Variants in DLG2 observed in about 807,000 individuals in gnomAD.
DLG2 encodes discs large MAGUK scaffold protein 2.
In DLG2, 45 loss-of-function variants were observed where a neutral mutation model predicts 132.5. The ratio of observed to expected loss-of-function variants is 0.34; its 90% CI spans 0.27 to 0.44. The LOEUF is 0.44. DLG2 is among the 20% of genes least tolerant of loss of function. The pLI is 1.00. For missense variants in DLG2, 1,045 were observed against 1,196.9 expected, an observed-to-expected ratio of 0.87 and a Z score of 1.87; for synonymous variants, 424 against 419.6, an observed-to-expected ratio of 1.01 and a Z score of -0.13.
intron 6 of DLG2, among the ~76,000 whole-genome samples, chr11:84,734,765 G>C (rs960419906): frequency 1.3e-5 from 2 of 152,112 alleles, no homozygotes; most frequent in African/African-American, 4.8e-5. Flanking sequence ...CAAGATATTG[G>C]CTGTGGGTTT....
chr11:84,474,787 T>A (rs1323276981), intron 7 of DLG2, among the ~76,000 whole-genome samples: 2 of 152,092 alleles, frequency 1.3e-5, no homozygotes, highest in African/African-American at 2.4e-5. Flanking sequence ...TAAATCATAA[T>A]CTTCTTGAAG....
At chr11:84,357,749 T>C (rs2098625429) in intron 7 of DLG2, among the ~76,000 whole-genome samples, 1 of 152,062 alleles carries the variant, frequency 6.6e-6, no homozygotes, top group East Asian at 1.9e-4. Flanking sequence ...ATAAGTATTA[T>C]TTTTCAAATT....
chr11:84,103,375 C>G (rs2092679920), intron 9 of DLG2, among the ~76,000 whole-genome samples: 1 of 152,130 alleles, frequency 6.6e-6, no homozygotes, highest in Non-Finnish European at 1.5e-5. Flanking sequence ...CTTCTCTGAG[C>G]AGCAATCTCT....
At chr11:84,466,987 G>A (rs1472363274) in intron 7 of DLG2, among the ~76,000 whole-genome samples, 1 of 151,214 alleles carries the variant, frequency 6.6e-6, no homozygotes, top group Non-Finnish European at 1.5e-5. Flanking sequence ...ATCTACTTAT[G>A]ACTTTTAAAA....
At chr11:84,487,363 A>G (rs1049066557) in intron 7 of DLG2, among the ~76,000 whole-genome samples, 1 of 152,124 alleles carries the variant, frequency 6.6e-6, no homozygotes, top group East Asian at 1.9e-4. Context: ...TTTAGCCACT[A>G]TAAATATTGT....
At chr11:84,036,795 C>G (rs2095874670) in intron 11 of DLG2, among the ~76,000 whole-genome samples, 1 of 152,102 alleles carries the variant, frequency 6.6e-6, no homozygotes. Flanking sequence ...CTGAGTGGGT[C>G]ACAGCACCTT....
intron 3 of DLG2, among the ~76,000 whole-genome samples, chr11:85,583,162 A>ATATATG (rs2078727315): frequency 9.0e-6 from 1 of 111,472 alleles, no homozygotes; most frequent in African/African-American, 3.4e-5. Context: ...ATATATATAT[A>ATATATG]TATATATGTT....
At chr11:84,878,850 T>A (rs2086831303) in intron 6 of DLG2, among the ~76,000 whole-genome samples, 1 of 152,186 alleles carries the variant, frequency 6.6e-6, no homozygotes, top group Non-Finnish European at 1.5e-5. Context: ...TCCATTGACT[T>A]ACTATTTTTT....
rs554974962 is a variant in DLG2 at position 84,808,257 on chromosome 11, G to A, written c.358-273526C>T. On this transcript the variant is annotated intron_variant, in intron 6 of 27. Transcript: ENST00000376104. ...ACATGTGTCAAGAGAAAGTCTCAAG[G>A]CAAATTAAAAAATACACATTTCAGT... Among the ~76,000 whole-genome samples, 263 of 152,016 alleles carry A rather than the reference G, an allele frequency of 1.7e-3. 3 individuals carry two copies. The highest frequency in any genetic ancestry group is 3.1e-3 in the Non-Finnish European group (209 of 67,902).
At chr11:85,506,722 G>A (rs1468513172) in intron 3 of DLG2, among the ~76,000 whole-genome samples, 2 of 152,188 alleles carry the variant, frequency 1.3e-5, no homozygotes, top group African/African-American at 4.8e-5. Flanking sequence ...TTCTGTAGAT[G>A]TCTATTAGGT....
intron 18 of DLG2, among the ~76,000 whole-genome samples, chr11:83,669,985 A>C (rs537989643): frequency 1.3e-5 from 2 of 152,378 alleles, no homozygotes; most frequent in South Asian, 4.1e-4. Flanking sequence ...AAATAATTTT[A>C]ATCTTATAGC....
chr11:85,613,408 G>C (rs1251278790), intron 2 of DLG2, among the ~76,000 whole-genome samples: 3 of 152,174 alleles, frequency 2.0e-5, no homozygotes, highest in Non-Finnish European at 2.9e-5. Flanking sequence ...AAAGTAGCTA[G>C]AGCAGTCATC....
At chr11:85,130,843 G>T (rs958379335) in intron 5 of DLG2, among the ~76,000 whole-genome samples, 1 of 152,188 alleles carries the variant, frequency 6.6e-6, no homozygotes. Flanking sequence ...AAATAGATAA[G>T]ATTTGCAGTC....
At chr11:84,741,641 C>G (rs1459466229) in intron 6 of DLG2, among the ~76,000 whole-genome samples, 1 of 151,844 alleles carries the variant, frequency 6.6e-6, no homozygotes, top group African/African-American at 2.4e-5. Flanking sequence ...ACCTACTGAA[C>G]CAACACCTCG....
At chr11:85,383,078 A>G (rs2086026767) in intron 3 of DLG2, among the ~76,000 whole-genome samples, 1 of 152,186 alleles carries the variant, frequency 6.6e-6, no homozygotes, top group African/African-American at 2.4e-5. Flanking sequence ...GAAACAAACC[A>G]AACTTTCATC....
Position 84,403,971 on chromosome 11 carries a change from C to A in DLG2, c.519+130599G>T, listed in dbSNP as rs534966431. On this transcript the variant is annotated intron_variant, in intron 7 of 27. Transcript: ENST00000376104. The stretch of plus-strand genomic sequence containing the variant: ...TTAACAGAAGATAATCCCTCTTCTG[C>A]ATTTTTATCTAATATTTTTATATCA... Among the ~76,000 whole-genome samples the A allele has an allele frequency of 7.9e-5, 12 of 152,286 alleles. No homozygotes were observed. The South Asian group carries it at 2.1e-3, about 26-fold the overall frequency.
chr11:83,809,025 C>A (rs2046618773), intron 17 of DLG2, among the ~76,000 whole-genome samples: 2 of 152,062 alleles, frequency 1.3e-5, no homozygotes, highest in Non-Finnish European at 2.9e-5. Flanking sequence ...TACCACCTCC[C>A]TCTGAGTGAT....
At chr11:85,272,695 G>C (rs992891814) in intron 4 of DLG2, among the ~76,000 whole-genome samples, 2 of 152,116 alleles carry the variant, frequency 1.3e-5, no homozygotes, top group South Asian at 4.1e-4. Context: ...GTTATTTATA[G>C]ATTCAATGCC....
chr11:84,846,205 C>A (rs1198458413), intron 6 of DLG2, among the ~76,000 whole-genome samples: 1 of 152,032 alleles, frequency 6.6e-6, no homozygotes, highest in East Asian at 1.9e-4. Flanking sequence ...TTCTGTCCTG[C>A]AGGTTTCTAT....
Sources: gnomAD v4.1 joint callset for allele counts (sites outside exome capture counted in the v4.1 genomes callset) on GRCh38, gnomAD v4.1.1 for gene constraint, MANE v1.5 for transcripts, NCBI Gene and HGNC (gene_info 2026-07-23, HGNC 2026-07-21) for gene names.